Variants in GULP1 observed in about 807,000 individuals in gnomAD.
GULP1 encodes the protein GULP PTB domain containing engulfment adaptor 1, also known as PTB domain-containing engulfment adapter protein 1.
GULP1 carries 19 observed loss-of-function variants against 40.9 expected under a neutral mutation model. The observed-to-expected ratio is 0.46, with a 90% CI of 0.32 to 0.68. GULP1 has a LOEUF of 0.68. Among genes scored for constraint, GULP1 ranks in the 30% least tolerant of loss-of-function variants. GULP1 has a pLI of 0.03. For missense variants in GULP1, 312 were observed against 362.2 expected, an observed-to-expected ratio of 0.86 and a Z score of 1.12; for synonymous variants, 119 against 117.6, an observed-to-expected ratio of 1.01 and a Z score of -0.08.
chr2:188,562,379 T>C (rs1696533404), intron 7 of GULP1, among the ~76,000 whole-genome samples: 1 of 152,190 alleles, frequency 6.6e-6, no homozygotes, highest in Admixed American at 6.5e-5. Context: ...TCCCAGCTGA[T>C]CTCAACCAAA....
chr2:188,420,202 T>G (rs1476171528), intron 2 of GULP1, among the ~76,000 whole-genome samples: 1 of 152,192 alleles, frequency 6.6e-6, no homozygotes, highest in South Asian at 2.1e-4. Context: ...TTTAGATATT[T>G]GTTCTAATTT....
In GULP1 at chr2:188,509,486, G is replaced by C. The variant is rs546107301; in HGVS notation, c.91-13270G>C. Among the ~76,000 whole-genome samples, 322 of 152,138 alleles carry C rather than the reference G, an allele frequency of 2.1e-3. 3 individuals carry two copies. The highest frequency in any genetic ancestry group is 7.4e-3 in the African/African-American group (306 of 41,526). ...AATCTGCATTTCAGGAGTATCATTA[G>C]CCCACACTCATTTTTCACTCAAAAG... On this transcript the variant is annotated intron_variant, in intron 4 of 11. Transcript: ENST00000409830.
chr2:188,483,258 A>G (rs1185366467), intron 3 of GULP1, among the ~76,000 whole-genome samples, 173 bp from the exon 4 acceptor site: 1 of 152,092 alleles, frequency 6.6e-6, no homozygotes, highest in South Asian at 2.1e-4. Flanking sequence ...AAAGAATCCT[A>G]TAATCACGCC....
At chr2:188,364,033 T>G (rs973702006) in intron 1 of GULP1, among the ~76,000 whole-genome samples, 12 of 152,220 alleles carry the variant, frequency 7.9e-5, no homozygotes, top group African/African-American at 2.4e-4. Context: ...GCACTTAATG[T>G]GTGTTATTGC....
intron 1 of GULP1, among the ~76,000 whole-genome samples, chr2:188,374,919 T>A (rs1166406220): frequency 6.6e-6 from 1 of 152,166 alleles, no homozygotes; most frequent in Admixed American, 6.6e-5. Context: ...AAAATGCTAC[T>A]GAGCAAAAGA....
At chr2:188,569,424 A>G in intron 8 of GULP1, 69 bp downstream of exon 8, 1 of 828,318 alleles carries the variant, frequency 1.2e-6, no homozygotes, top group South Asian at 1.3e-5. Context: ...ATATCGTCAA[A>G]CAAATTTAGA....
intron 1 of GULP1, among the ~76,000 whole-genome samples, chr2:188,325,363 A>G (rs1374308784): frequency 6.6e-6 from 1 of 152,088 alleles, no homozygotes; most frequent in Non-Finnish European, 1.5e-5. Flanking sequence ...AAGGAGGACA[A>G]ATAAAATTTT....
intron 4 of GULP1, among the ~76,000 whole-genome samples, chr2:188,520,004 ACACT>A (rs1241572310): frequency 2.0e-5 from 3 of 152,228 alleles, no homozygotes; most frequent in Non-Finnish European, 4.4e-5. Context: ...AAGTTTGAAA[ACACT>A]CATCCCAAAC....
intron 11 of GULP1, chr2:188,588,157 G>C (rs1702795751): frequency 1.8e-6 from 1 of 563,912 alleles, no homozygotes; most frequent in Non-Finnish European, 3.2e-6. Context: ...TTTTTAAATG[G>C]TTCAATTTAT....
At chr2:188,419,289 A>G (rs2055033456) in intron 2 of GULP1, among the ~76,000 whole-genome samples, 1 of 152,144 alleles carries the variant, frequency 6.6e-6, no homozygotes, top group Admixed American at 6.5e-5. Context: ...TTTCATCCGT[A>G]ATGGCTGCAC....
At chr2:188,445,168 C>T (rs1235334829) in intron 2 of GULP1, among the ~76,000 whole-genome samples, 1 of 152,084 alleles carries the variant, frequency 6.6e-6, no homozygotes, top group African/African-American at 2.4e-5. Context: ...TAAACCTTGA[C>T]GTTTGATGCC....
chr2:188,389,574 C>G (rs1019799050), intron 2 of GULP1, among the ~76,000 whole-genome samples: 2 of 151,928 alleles, frequency 1.3e-5, no homozygotes, highest in Admixed American at 1.3e-4. Flanking sequence ...CTAGAGGTAC[C>G]TTATATATTA....
chr2:188,394,667 G>A (rs906452929), intron 2 of GULP1, among the ~76,000 whole-genome samples: 5 of 151,994 alleles, frequency 3.3e-5, no homozygotes, highest in African/African-American at 1.2e-4. Context: ...TATTTCTTCT[G>A]TTATTCTTTA....
intron 1 of GULP1, among the ~76,000 whole-genome samples, chr2:188,368,935 G>A (rs4998560): frequency 0.11 from 1,863 of 17,396 alleles, 28 homozygotes; most frequent in East Asian, 0.38. Flanking sequence ...ATATATATAT[G>A]TGTGTATATA....
chr2:188,368,941 A>G (rs75481982), intron 1 of GULP1, among the ~76,000 whole-genome samples: 1,968 of 9,276 alleles, frequency 0.21, 24 homozygotes, highest in East Asian at 0.33. Context: ...ATATGTGTGT[A>G]TATATATATA....
chr2:188,420,304 A>G (rs550537026), intron 2 of GULP1, among the ~76,000 whole-genome samples: 2 of 152,208 alleles, frequency 1.3e-5, no homozygotes, highest in East Asian at 3.8e-4. Flanking sequence ...ATTGTCTTTC[A>G]ATAAATACAG....
chr2:188,432,472 T>G (rs980020761), intron 2 of GULP1, among the ~76,000 whole-genome samples: 25 of 152,080 alleles, frequency 1.6e-4, no homozygotes, highest in African/African-American at 6.0e-4. Context: ...GGTTTTTAAA[T>G]TGTTTTGCCA....
At chr2:188,508,476 G>C (rs1246996277) in intron 4 of GULP1, among the ~76,000 whole-genome samples, 3 of 151,930 alleles carry the variant, frequency 2.0e-5, no homozygotes, top group Non-Finnish European at 4.4e-5. Context: ...TAAAACAGGT[G>C]ATCACCTCAT....
intron 1 of GULP1, among the ~76,000 whole-genome samples, chr2:188,320,637 A>C (rs981090706): frequency 1.3e-5 from 2 of 152,196 alleles, no homozygotes; most frequent in Non-Finnish European, 2.9e-5. Flanking sequence ...TTGTTAAAAA[A>C]AATAAAACAA....
Sources: gnomAD v4.1 joint callset for allele counts (sites outside exome capture counted in the v4.1 genomes callset) on GRCh38, gnomAD v4.1.1 for gene constraint, MANE v1.5 for transcripts, NCBI Gene and HGNC (gene_info 2026-07-23, HGNC 2026-07-21) for gene names.